Variants in MAP2K6 observed in about 807,000 individuals in gnomAD.
The protein encoded by MAP2K6 is dual specificity mitogen-activated protein kinase kinase 6.
In MAP2K6, 16 loss-of-function variants were observed where a neutral mutation model predicts 53.7. The observed-to-expected ratio is 0.30, with a 90% confidence interval of 0.20 to 0.45. The LOEUF is 0.45. MAP2K6 is among the 20% of genes least tolerant of loss of function. The pLI, the probability that MAP2K6 is intolerant of heterozygous loss-of-function variation, is 1.00. For synonymous variants in MAP2K6, 132 were observed against 143.1 expected (o/e 0.92, Z 0.55); for missense variants, 204 against 411.9 (o/e 0.50, Z 4.37).
intron 3 of MAP2K6, 72 bp from the exon 4 acceptor site, chr17:69,517,428 T>C: frequency 1.3e-6 from 1 of 753,314 alleles, no homozygotes; most frequent in Non-Finnish European, 2.1e-6. Context: ...AGAAACGAGA[T>C]AGAGGATAAT....
At chr17:69,530,651 A>G (rs983741947) in intron 10 of MAP2K6, among the ~76,000 whole-genome samples, 1 of 152,190 alleles carries the variant, frequency 6.6e-6, no homozygotes, top group Non-Finnish European at 1.5e-5. Flanking sequence ...CCCTGCCACA[A>G]ACCACCAATA....
chr17:69,468,663 A>C (rs1907889287), intron 1 of MAP2K6, among the ~76,000 whole-genome samples: 1 of 152,086 alleles, frequency 6.6e-6, no homozygotes, highest in African/African-American at 2.4e-5. Context: ...AGAGGAATGA[A>C]GGGAGCCAGG....
At chr17:69,420,968 G>A (rs1169043632) in intron 1 of MAP2K6, among the ~76,000 whole-genome samples, 1 of 152,184 alleles carries the variant, frequency 6.6e-6, no homozygotes, top group Admixed American at 6.5e-5. Context: ...TAGTACAGCT[G>A]CAAGTTTTAA....
At chr17:69,442,889 A>G (rs1906864491) in intron 1 of MAP2K6, among the ~76,000 whole-genome samples, 1 of 152,222 alleles carries the variant, frequency 6.6e-6, no homozygotes, top group Non-Finnish European at 1.5e-5. Context: ...AAGTTTATTT[A>G]TATGTAATAC....
chr17:69,468,803 T>G (rs1173548950), intron 1 of MAP2K6, among the ~76,000 whole-genome samples: 1 of 152,090 alleles, frequency 6.6e-6, no homozygotes, highest in Non-Finnish European at 1.5e-5. Flanking sequence ...GATTTCAGGC[T>G]GCAAAAAGCC....
At position 69,499,198 on chromosome 17, in the gene MAP2K6, G is replaced by A. The variant is rs9890172; in HGVS notation, c.17-6582G>A. Among the ~76,000 whole-genome samples, 1,269 of 152,268 alleles carry A rather than the reference G, an allele frequency of 8.3e-3. 13 individuals are homozygous for A. The highest frequency in any genetic ancestry group is 0.029 in the African/African-American group (1,186 of 41,546). On this transcript the variant is annotated intron_variant, in intron 1 of 11. Coordinates refer to ENST00000590474, the MANE Select transcript of MAP2K6 (RefSeq NM_002758.4). ...GAGATGTTTGAAAAATGTAATTCTA[G>A]TGTAAATAACACGAAAGAGGGAGAA...
At chr17:69,450,515 G>A (rs939103885) in intron 1 of MAP2K6, among the ~76,000 whole-genome samples, 1 of 152,130 alleles carries the variant, frequency 6.6e-6, no homozygotes, top group East Asian at 1.9e-4. Flanking sequence ...CTTGGGTTTG[G>A]GATGAAGCCT....
chr17:69,524,577 T>C (rs1910662577), intron 8 of MAP2K6, among the ~76,000 whole-genome samples: 1 of 152,120 alleles, frequency 6.6e-6, no homozygotes. Context: ...GGACTGTTCA[T>C]GTTTTAAACA....
Position 69,517,632 on chromosome 17 carries a change from C to T in MAP2K6, c.246+19C>T. The T allele has an allele frequency of 6.4e-7, 1 of 1,556,444 alleles. No homozygotes were observed. The highest frequency in any genetic ancestry group is 8.8e-7 in the Non-Finnish European group (1 of 1,142,854). On this transcript the variant is annotated intron_variant, in intron 4 of 11. Transcript: ENST00000590474. ...AGTGAAGGTAGAGTTGACATTCTCC[C>T]AAATGTTTTATATCTGCTGTGTATA... is the stretch of plus-strand genomic sequence containing the variant.
chr17:69,480,782 T>C (rs1908323522), intron 1 of MAP2K6, among the ~76,000 whole-genome samples: 1 of 152,038 alleles, frequency 6.6e-6, no homozygotes, highest in African/African-American at 2.4e-5. Flanking sequence ...AAAAAAAAAG[T>C]TTTTTAAAAA....
At chr17:69,534,446 G>T (rs1355437167) in intron 10 of MAP2K6, among the ~76,000 whole-genome samples, 3 of 152,044 alleles carry the variant, frequency 2.0e-5, no homozygotes, top group Non-Finnish European at 4.4e-5. Flanking sequence ...TGAAACTTCT[G>T]TCCTCACATC....
chr17:69,422,805 G>T (rs1038085351), intron 1 of MAP2K6, among the ~76,000 whole-genome samples: 1 of 152,238 alleles, frequency 6.6e-6, no homozygotes, highest in Non-Finnish European at 1.5e-5. Flanking sequence ...GAGGCAGGAT[G>T]GATGTCTGAC....
chr17:69,419,783 C>T (rs981145000), intron 1 of MAP2K6, among the ~76,000 whole-genome samples: 3 of 151,964 alleles, frequency 2.0e-5, no homozygotes, highest in African/African-American at 7.3e-5. Context: ...AAAAATTAGT[C>T]AGGCGTGGTG....
At chr17:69,517,400 A>C (rs992751567) in intron 3 of MAP2K6, 100 bp from the exon 4 acceptor site, 1 of 580,414 alleles carries the variant, frequency 1.7e-6, no homozygotes, top group African/African-American at 1.9e-5. Flanking sequence ...GCCCAGAAAT[A>C]ATCCTTAGAA....
chr17:69,457,329 C>A (rs1048869320), intron 1 of MAP2K6, among the ~76,000 whole-genome samples: 1 of 152,234 alleles, frequency 6.6e-6, no homozygotes, highest in Admixed American at 6.5e-5. Flanking sequence ...ACACGTTTAT[C>A]CCCTAGGTTG....
At chr17:69,485,856 A>C (rs1409988883) in intron 1 of MAP2K6, among the ~76,000 whole-genome samples, 1 of 152,142 alleles carries the variant, frequency 6.6e-6, no homozygotes, top group East Asian at 1.9e-4. Context: ...CAGTTGCTCA[A>C]ATTTCCCATC....
At chr17:69,453,481 T>G (rs538738247) in intron 1 of MAP2K6, among the ~76,000 whole-genome samples, 22 of 152,356 alleles carry the variant, frequency 1.4e-4, no homozygotes, top group African/African-American at 5.1e-4. Flanking sequence ...CATGGAGATG[T>G]AGGTTCGACT....
intron 1 of MAP2K6, among the ~76,000 whole-genome samples, chr17:69,426,247 T>C (rs1598255822): frequency 6.6e-6 from 1 of 152,236 alleles, no homozygotes; most frequent in African/African-American, 2.4e-5. Context: ...GAAATGCATT[T>C]GACTTTACTC....
At chr17:69,486,621 A>G (rs1313907519) in intron 1 of MAP2K6, among the ~76,000 whole-genome samples, 1 of 152,202 alleles carries the variant, frequency 6.6e-6, no homozygotes, top group Non-Finnish European at 1.5e-5. Context: ...GCCACACATG[A>G]TACAAACAGC....
Sources: gnomAD v4.1 joint callset for allele counts (sites outside exome capture counted in the v4.1 genomes callset) on GRCh38, gnomAD v4.1.1 for gene constraint, MANE v1.5 for transcripts, NCBI Gene and HGNC (gene_info 2026-07-23, HGNC 2026-07-21) for gene names.